The following CDH18 variants were observed in gnomAD, a reference collection of about 807,000 sequenced individuals.
The protein encoded by CDH18 is cadherin 18, also known as cadherin-18.
CDH18 carries 31 observed loss-of-function variants against 67.9 expected under a neutral mutation model. The ratio of observed to expected loss-of-function variants is 0.46; its 90% CI spans 0.34 to 0.62. The LOEUF is 0.62. CDH18 is among the 20% of genes least tolerant of loss of function. CDH18 has a pLI of 0.01. For missense variants in CDH18, 890 were observed against 975.5 expected (o/e 0.91, Z 1.17); for synonymous variants, 362 against 347.2 (o/e 1.04, Z -0.48).
intron 10 of CDH18, among the ~76,000 whole-genome samples, chr5:19,520,138 C>T (rs1271436236): frequency 4.6e-5 from 7 of 152,148 alleles, no homozygotes; most frequent in South Asian, 2.1e-4. Flanking sequence ...ACTAGATGCA[C>T]ATGACATCCA....
Position 20,242,704 on chromosome 5 carries a change from A to G in CDH18, c.-518+12740T>C, listed in dbSNP as rs1743083702. Among the ~76,000 whole-genome samples the G allele has an allele frequency of 2.1e-5, 3 of 140,320 alleles. No individual in the cohort carries two copies. The South Asian group carries it at 6.8e-4, about 32-fold the overall frequency. 92.1% of individuals were successfully genotyped at this position (140,320 alleles called of 152,430 possible). ...CCAGTCTATTTTCACAAATAAAGAT[A>G]TTATGAAAAGCTTTTTTTACAGTTG... On this transcript the variant is annotated intron_variant, in intron 2 of 14. Coordinates refer to the CDH18 transcript ENST00000507958.
chr5:20,379,520 C>T (rs553423217), intron 1 of CDH18, among the ~76,000 whole-genome samples: 4 of 152,158 alleles, frequency 2.6e-5, no homozygotes, highest in African/African-American at 9.6e-5. Context: ...ACCATATAGA[C>T]ACTGAACCAT....
intron 1 of CDH18, chr5:20,304,249 T>G: frequency 1.1e-5 from 18 of 1,584,120 alleles, no homozygotes; most frequent in Non-Finnish European, 1.6e-5. Context: ...ATATGTTGCC[T>G]AAATTGGTGT....
chr5:20,046,482 A>G (rs1303064836), intron 2 of CDH18, among the ~76,000 whole-genome samples: 2 of 151,638 alleles, frequency 1.3e-5, no homozygotes, highest in Admixed American at 6.6e-5. Context: ...TATTTGAAAA[A>G]CCATTTATAA....
At chr5:20,188,362 G>T (rs1738266064) in intron 2 of CDH18, among the ~76,000 whole-genome samples, 1 of 151,772 alleles carries the variant, frequency 6.6e-6, no homozygotes, top group Non-Finnish European at 1.5e-5. Context: ...TTATTCTACT[G>T]GTCACTCCCA....
intron 2 of CDH18, among the ~76,000 whole-genome samples, chr5:20,215,341 G>A (rs1740678781): frequency 6.6e-6 from 1 of 151,924 alleles, no homozygotes; most frequent in Middle Eastern, 3.4e-3. Flanking sequence ...CGGACATAAA[G>A]GGTTGAGTAA....
At chr5:20,448,565 A>T (rs908793564) in intron 1 of CDH18, among the ~76,000 whole-genome samples, 1 of 152,162 alleles carries the variant, frequency 6.6e-6, no homozygotes, top group African/African-American at 2.4e-5. Context: ...AAGTTTAGTA[A>T]AAGTGATATT....
chr5:20,058,837 T>C (rs974170306), intron 2 of CDH18, among the ~76,000 whole-genome samples: 24 of 152,180 alleles, frequency 1.6e-4, no homozygotes, highest in East Asian at 1.9e-4. Flanking sequence ...TAATATACCC[T>C]AGATGACAGT....
At chr5:19,591,354 ATG>A in intron 6 of CDH18, 110 bp from the exon 7 acceptor site, 1 of 578,770 alleles carries the variant, frequency 1.7e-6, no homozygotes, top group Non-Finnish European at 2.7e-6. Context: ...ATATTAGGTA[ATG>A]CATCAAATGG....
chr5:19,838,846 G>A lies in CDH18; in HGVS notation c.141C>T (p.Val47=), dbSNP rs907339902. ...QTKHIEGETE[V]HHRPKRGWVW... is the part of the protein sequence containing the mutation. The stretch of plus-strand genomic sequence containing the variant: ...CCCATCCCCTTTTGGGACGATGATG[G>A]ACTTCGGTTTCACCTTCAATGTGTT... Residue 47 remains valine, a synonymous_variant, in exon 3 of 13, where the codon GTC becomes GTT. Transcript: ENST00000382275. 3.1e-6 allele frequency: 5 copies of A among 1,613,924 alleles called. No homozygotes were observed. Among genetic ancestry groups the A allele is most frequent in the African/African-American group, 1.3e-5 (1 of 74,926 alleles).
rs150147706 is a variant in CDH18, at chr5:20,439,749, C to T, written c.-580+135713G>A. Among the ~76,000 whole-genome samples the T allele has an allele frequency of 1.9e-3, 282 of 151,764 alleles. 2 individuals carry two copies. Among genetic ancestry groups the T allele is most frequent in the African/African-American group, 6.5e-3 (269 of 41,246 alleles). On this transcript the variant is annotated intron_variant, in intron 1 of 14. Coordinates refer to the CDH18 transcript ENST00000507958. ...CTTTTTTAACAATATAATTTTTAAA[C>T]GAATCCATCCTCATTCCTTGTCTAT...
chr5:19,554,719 C>G (rs573482448), intron 8 of CDH18, among the ~76,000 whole-genome samples: 5 of 152,152 alleles, frequency 3.3e-5, no homozygotes, highest in African/African-American at 1.2e-4. Flanking sequence ...TGGGGCTAAG[C>G]CTGGTTTGGT....
rs560882213 is a variant in CDH18, at chr5:20,496,523, T to TA, written c.-580+78938dup. ...ACCATTATTTAAAATATACAATTGA[T>TA]AAAAAATTATGGTGATTATTTAATA... On this transcript the variant is annotated intron_variant, in intron 1 of 14. Transcript: ENST00000507958. Among the ~76,000 whole-genome samples the TA allele has an allele frequency of 1.0e-3, 154 of 152,306 alleles. 2 individuals carry two copies. Among genetic ancestry groups the TA allele is most frequent in the African/African-American group, 2.7e-3 (111 of 41,596 alleles).
intron 5 of CDH18, among the ~76,000 whole-genome samples, chr5:19,630,957 T>TA (rs1752338385): frequency 6.6e-6 from 1 of 152,074 alleles, no homozygotes; most frequent in African/African-American, 2.4e-5. Flanking sequence ...GTTTTTCTCT[T>TA]AAAATAAAAC....
At chr5:20,357,201 T>C (rs1580822810) in intron 1 of CDH18, among the ~76,000 whole-genome samples, 1 of 152,170 alleles carries the variant, frequency 6.6e-6, no homozygotes, top group East Asian at 1.9e-4. Flanking sequence ...AAAAAAGATC[T>C]TTAATGTGAT....
intron 3 of CDH18, among the ~76,000 whole-genome samples, chr5:19,792,787 C>CA (rs908014905): frequency 2.6e-5 from 4 of 151,900 alleles, no homozygotes; most frequent in African/African-American, 4.8e-5. Flanking sequence ...AAATAACATA[C>CA]AAAAAAACTG....
intron 2 of CDH18, among the ~76,000 whole-genome samples, chr5:19,892,079 A>C (rs1346345705): frequency 6.6e-6 from 1 of 152,194 alleles, no homozygotes; most frequent in East Asian, 1.9e-4. Context: ...CAGGGATGAT[A>C]AAAATGCAAA....
At chr5:20,397,046 A>G (rs1383072625) in intron 1 of CDH18, among the ~76,000 whole-genome samples, 1 of 152,208 alleles carries the variant, frequency 6.6e-6, no homozygotes, top group Non-Finnish European at 1.5e-5. Flanking sequence ...CAGCCTTAAA[A>G]ATAGAAAAGA....
At chr5:19,569,906 A>C (rs1741079946) in intron 8 of CDH18, among the ~76,000 whole-genome samples, 1 of 151,878 alleles carries the variant, frequency 6.6e-6, no homozygotes, top group African/African-American at 2.4e-5. Context: ...TGTATTAATA[A>C]AAAATAAATT....
Sources: allele counts gnomAD v4.1 joint callset (sites outside exome capture counted in the v4.1 genomes callset), GRCh38; gene constraint gnomAD v4.1.1; transcripts MANE v1.5; gene names NCBI Gene and HGNC (gene_info 2026-07-23, HGNC 2026-07-21).